SETD3: variants seen among roughly 807,000 people sequenced by gnomAD.
SETD3 encodes SET domain containing 3, actin N3(tau)-histidine methyltransferase.
Under a neutral mutation model 63.0 loss-of-function variants are expected in SETD3, and 19 were observed. That is an observed-to-expected ratio of 0.30 (90% CI 0.21 to 0.44). The LOEUF (loss-of-function observed/expected upper bound fraction) is 0.44, where lower values mean the gene tolerates loss of function less well. SETD3 is among the 20% of genes least tolerant of loss of function. The probability of loss-of-function intolerance (pLI) is 1.00; values close to 1 mark genes in which losing one functional copy is unlikely to be tolerated. For missense variants in SETD3, 587 were observed against 728.5 expected (o/e 0.81, Z 2.24); for synonymous variants, 286 against 264.1 (o/e 1.08, Z -0.80).
intron 6 of SETD3, among the ~76,000 whole-genome samples, chr14:99,417,975 T>C (rs1892370772): frequency 6.6e-6 from 1 of 152,200 alleles, no homozygotes; most frequent in Non-Finnish European, 1.5e-5. Flanking sequence ...TTTACTTTTC[T>C]AAAGAATATT....
chr14:99,405,053 G>A (rs970403697), intron 10 of SETD3, 152 bp downstream of exon 10: 48 of 1,073,880 alleles, frequency 4.5e-5, no homozygotes, highest in African/African-American at 1.4e-4. Context: ...GCCACCAAGC[G>A]TCGCCATGGC....
chr14:99,410,664 C>T (rs1310688015), intron 8 of SETD3, among the ~76,000 whole-genome samples: 1 of 152,188 alleles, frequency 6.6e-6, no homozygotes, highest in Non-Finnish European at 1.5e-5. Flanking sequence ...ACCTTATAAC[C>T]CTTCCTACAT....
chr14:99,424,519 A>G (rs1182409206), intron 6 of SETD3, among the ~76,000 whole-genome samples: 4 of 152,298 alleles, frequency 2.6e-5, no homozygotes, highest in Non-Finnish European at 4.4e-5. Flanking sequence ...GACAGACAGG[A>G]CATCATCTCA....
chr14:99,466,454 G>A (rs966294371), intron 1 of SETD3, among the ~76,000 whole-genome samples: 8 of 152,236 alleles, frequency 5.3e-5, no homozygotes, highest in Non-Finnish European at 1.2e-4. Context: ...TCCTCTGCGG[G>A]CATGTGAGAA....
intron 8 of SETD3, chr14:99,409,757 TAAAATTTGG>T (rs1265119045): frequency 1.3e-5 from 2 of 152,846 alleles, no homozygotes; most frequent in Admixed American, 6.5e-5. Context: ...GCTCATCAAA[TAAAATTTGG>T]AAAATATTTT....
intron 6 of SETD3, among the ~76,000 whole-genome samples, chr14:99,421,573 A>T (rs772605365): frequency 1.3e-5 from 2 of 152,176 alleles, no homozygotes; most frequent in Non-Finnish European, 2.9e-5. Context: ...AGCTTGGTAT[A>T]TAAGAAAGCT....
upstream of SETD3, among the ~76,000 whole-genome samples, chr14:99,485,315 CTG>C (rs759974631): frequency 2.0e-5 from 3 of 152,212 alleles, no homozygotes; most frequent in Non-Finnish European, 4.4e-5. Context: ...ATTCCTAACA[CTG>C]TTCCCCGTTC....
At chr14:99,481,744 G>T (rs1289583032), upstream of SETD3, 2 of 361,210 alleles carry the variant, frequency 5.5e-6, no homozygotes, top group Non-Finnish European at 9.8e-6. Flanking sequence ...CTGGGGGGCA[G>T]TCAGAGTTGG....
the SETD3 span, among the ~76,000 whole-genome samples, chr14:99,486,150 T>G: frequency 6.6e-6 from 1 of 152,204 alleles, no homozygotes; most frequent in Non-Finnish European, 1.5e-5. Flanking sequence ...CCTTGTCCTT[T>G]AACTTTTCTT....
intron 1 of SETD3, among the ~76,000 whole-genome samples, chr14:99,472,887 C>T (rs952567755): frequency 6.6e-6 from 1 of 152,110 alleles, no homozygotes; most frequent in African/African-American, 2.4e-5. Context: ...AGTAGCAATA[C>T]AAGATTGATA....
intron 6 of SETD3, among the ~76,000 whole-genome samples, chr14:99,438,425 T>C (rs1328348608): frequency 1.3e-5 from 2 of 152,258 alleles, no homozygotes; most frequent in African/African-American, 2.4e-5. Flanking sequence ...GGTGTGTCTC[T>C]GGTTTAGACA....
intron 4 of SETD3, 118 bp from the exon 5 acceptor site, chr14:99,459,303 C>T: frequency 3.5e-6 from 2 of 575,242 alleles, no homozygotes; most frequent in East Asian, 3.0e-5. Flanking sequence ...TGCATATCAG[C>T]ACTTCAAATA....
At chr14:99,476,151 T>C (rs1388219069) in intron 1 of SETD3, among the ~76,000 whole-genome samples, 3 of 152,260 alleles carry the variant, frequency 2.0e-5, no homozygotes, top group Non-Finnish European at 4.4e-5. Context: ...ATGAGAAAGC[T>C]GACGCTTACG....
At chr14:99,427,965 CAG>C (rs759495306) in intron 6 of SETD3, among the ~76,000 whole-genome samples, 108 of 152,262 alleles carry the variant, frequency 7.1e-4, no homozygotes, top group South Asian at 1.0e-3. Context: ...ACATCCCAGA[CAG>C]AGAGTACCGG....
chr14:99,441,681 T>G (rs1340068109), intron 6 of SETD3, among the ~76,000 whole-genome samples: 1 of 152,160 alleles, frequency 6.6e-6, no homozygotes, highest in Non-Finnish European at 1.5e-5. Context: ...TGGCAAGTCC[T>G]GGGCCCTGAT....
At chr14:99,414,264 C>T (rs747457269) in intron 6 of SETD3, among the ~76,000 whole-genome samples, 15 of 152,264 alleles carry the variant, frequency 9.9e-5, no homozygotes, top group Admixed American at 3.9e-4. Flanking sequence ...TGGATCTAAG[C>T]AGAAACGCAG....
chr14:99,470,238 A>G (rs1895625235), intron 1 of SETD3, among the ~76,000 whole-genome samples: 1 of 152,182 alleles, frequency 6.6e-6, no homozygotes, highest in Non-Finnish European at 1.5e-5. Context: ...GCATTAAGGG[A>G]AACTCTAGAC....
At chr14:99,459,008 T>C in intron 5 of SETD3, 105 bp downstream of exon 5, 1 of 723,100 alleles carries the variant, frequency 1.4e-6, no homozygotes, top group South Asian at 2.0e-5. Flanking sequence ...AGGGAATATT[T>C]CGCCAGTCGA....
At chr14:99,423,144 G>A (rs111575875) in intron 6 of SETD3, among the ~76,000 whole-genome samples, 22 of 152,196 alleles carry the variant, frequency 1.4e-4, no homozygotes, top group Non-Finnish European at 2.2e-4. Context: ...CTACAGCAGG[G>A]AGGTGTAAAG....
Sources: allele counts gnomAD v4.1 joint callset (sites outside exome capture counted in the v4.1 genomes callset), GRCh38; gene constraint gnomAD v4.1.1; transcripts MANE v1.5; gene names NCBI Gene and HGNC (gene_info 2026-07-23, HGNC 2026-07-21).